SRM: variants seen among roughly 807,000 people sequenced by gnomAD.
SRM encodes the protein spermidine synthase, also known as putrescine aminopropyltransferase.
A neutral mutation model predicts 39.3 loss-of-function variants in SRM; 14 were observed. The observed-to-expected ratio is 0.36, with a 90% CI of 0.24 to 0.56. The LOEUF is 0.56. Among genes scored for constraint, SRM ranks in the 20% least tolerant of loss-of-function variants. The pLI is 0.86. For synonymous variants in SRM, 195 were observed against 173.1 expected (o/e 1.13, Z -0.99); for missense variants, 244 against 409.2 (o/e 0.60, Z 3.48).
At position 11,059,476 on chromosome 1, in the gene SRM, T is replaced by A. The variant is rs762778269; in HGVS notation, c.168-131A>T. ...AGGGATGAGGAGCGATGGTGACACG[T>A]GGCGAGGAACGGCAGGCGGGCCGCC... is the stretch of plus-strand genomic sequence containing the variant. On this transcript the variant is annotated intron_variant, in intron 1 of 7. Transcript: ENST00000376957. The A allele has an allele frequency of 8.1e-6, 12 of 1,479,026 alleles. No individual in the cohort carries two copies. In the South Asian group the frequency reaches 1.4e-4, roughly 17 times the overall value. The allele number at this position is 1,479,026 out of a possible 1,614,324, so 91.6% of individuals were successfully genotyped here.
rs1300468150 is a variant in SRM, at chr1:11,054,913, G to A, written c.889-28C>T. 2.5e-6 allele frequency: 4 copies of A among 1,611,610 alleles called. No homozygotes were observed. In the East Asian group the frequency reaches 8.9e-5, roughly 36 times the overall value. ...GGAGGGACATGAGGCCAGTCAGGAG[G>A]GCGCTCTGGGTCCCTGGGTCCCACC... is the stretch of plus-strand genomic sequence containing the variant. On this transcript the variant is annotated intron_variant, in intron 7 of 7. Coordinates refer to ENST00000376957, the MANE Select transcript of SRM (RefSeq NM_003132.3). The surrounding 1 kb of genome is among the most constrained non-coding windows in gnomAD (Gnocchi z 4.8).
At position 11,059,339 on chromosome 1, in the gene SRM, G is replaced by C; in HGVS notation, c.174C>G (p.Thr58=). The stretch of plus-strand genomic sequence containing the variant: ...CGTCCAACACCAGCACGTTGCCATA[G>C]GTCTTACTGCGGGCGGAGTGACAGT... ...YQDILVFRSK[T]YGNVLVLDGV... The change falls in exon 2 of 8, where the codon ACC becomes ACG. Residue 58 remains threonine (T), a synonymous_variant. Transcript: ENST00000376957. The C allele has an allele frequency of 6.2e-7, 1 of 1,613,224 alleles. No homozygotes were observed. Among genetic ancestry groups the C allele is most frequent in the Non-Finnish European group, 8.5e-7 (1 of 1,179,556 alleles).
chr1:11,059,077 C>CATCA, intron 2 of SRM, 148 bp downstream of exon 2: 1 of 1,434,868 alleles, frequency 7.0e-7, no homozygotes. Context: ...TCCGAGGCCG[C>CATCA]GTCAGTGTCG....
intron 2 of SRM, 147 bp from the exon 3 acceptor site, chr1:11,059,039 G>A: frequency 2.2e-6 from 3 of 1,347,822 alleles, no homozygotes; most frequent in Non-Finnish European, 3.0e-6. Context: ...CCCTTTCCTG[G>A]AAGTTCCTTC....
chr1:11,058,663 G>A, intron 3 of SRM, 137 bp downstream of exon 3: 1 of 700,722 alleles, frequency 1.4e-6, no homozygotes, highest in Non-Finnish European at 2.3e-6. Context: ...TTTTCCTACT[G>A]AACCCTCCCC....
At chr1:11,058,227 T>C (rs1361146691) in intron 3 of SRM, among the ~76,000 whole-genome samples, 1 of 152,148 alleles carries the variant, frequency 6.6e-6, no homozygotes, top group Non-Finnish European at 1.5e-5. Context: ...GTACAAATAG[T>C]TGAGCTGTCT....
chr1:11,056,753 A>G lies in SRM; in HGVS notation c.386T>C (p.Val129Ala). The part of the protein sequence containing the change: ...SVVQCEIDED[V>A]IQVSKKFLPG... ...CAGGAACTTCTTGGAGACTTGGATG[A>G]CATCCTGGAGGGGATGGGAGGGACC... is the stretch of plus-strand genomic sequence containing the variant. The change falls in exon 4 of 8, where the codon GTC (valine) becomes GCC (alanine). Residue 129 changes from valine to alanine, a missense_variant. Coordinates refer to ENST00000376957, the MANE Select transcript of SRM (RefSeq NM_003132.3). 1 of 1,614,150 alleles carries G rather than the reference A, an allele frequency of 6.2e-7. No individual in the cohort carries two copies. The highest frequency in any genetic ancestry group is 2.2e-5 in the East Asian group (1 of 44,890).
intron 6 of SRM, 178 bp from the exon 7 acceptor site, chr1:11,055,262 G>A: frequency 1.0e-6 from 1 of 955,766 alleles, no homozygotes; most frequent in Non-Finnish European, 1.5e-6. Flanking sequence ...ACCACGCCCG[G>A]CTAATTTTTT....
intron 3 of SRM, among the ~76,000 whole-genome samples, chr1:11,057,291 G>A (rs546952675): frequency 7.3e-4 from 110 of 151,250 alleles, no homozygotes; most frequent in African/African-American, 2.6e-3. Context: ...AGACCAAATC[G>A]CCCCATCTGA....
chr1:11,055,085 C>G lies in SRM; in HGVS notation c.766-1G>C. On this transcript the variant is annotated splice_acceptor_variant, in intron 6 of 7. Coordinates refer to ENST00000376957, the MANE Select transcript of SRM (RefSeq NM_003132.3). LOFTEE classifies it high-confidence loss of function. ...GCACCGGCTCCTGGAAGTTCGTGCT[C>G]TGGGGACCGGGCCAGGGGCACATCA... The G allele has an allele frequency of 6.2e-7, 1 of 1,607,788 alleles. No homozygotes were observed.
At chr1:11,059,113 C>G in intron 2 of SRM, 112 bp downstream of exon 2, 1 of 1,562,724 alleles carries the variant, frequency 6.4e-7, no homozygotes, top group Non-Finnish European at 8.7e-7. Context: ...CGGGACGCCC[C>G]TGGCCTCGCT....
Position 11,055,047 on chromosome 1 carries a change from T to C in SRM, c.803A>G (p.Gln268Arg). 3 of 1,611,994 alleles carry C rather than the reference T, an allele frequency of 1.9e-6. No individual in the cohort carries two copies. The highest frequency in any genetic ancestry group is 2.2e-5 in the East Asian group (1 of 44,832). The change falls in exon 7 of 8, where the codon CAG becomes CGG. Residue 268 changes from glutamine (Q) to arginine (R), a missense_variant. Gln to Arg is a conservative substitution (Grantham distance 43). Transcript: ENST00000376957. ...NFQEPVQPLT[Q>R]QQVAQMQLKY... ...CAGCTGCATCTGCGCCACCTGCTGC[T>C]GTGTCAGCGGCTGCACCGGCTCCTG...
At chr1:11,057,621 T>G (rs1294777883) in intron 3 of SRM, among the ~76,000 whole-genome samples, 2 of 118,522 alleles carry the variant, frequency 1.7e-5, no homozygotes, top group African/African-American at 6.7e-5. Flanking sequence ...TCCCCCTCCC[T>G]GCACACGGCC....
At chr1:11,059,143 A>G (rs1638931819) in intron 2 of SRM, 82 bp downstream of exon 2, 1 of 1,598,756 alleles carries the variant, frequency 6.3e-7, no homozygotes, top group Non-Finnish European at 8.5e-7. Context: ...TCTGACAACC[A>G]TGCAGGCAGC....
intron 3 of SRM, among the ~76,000 whole-genome samples, chr1:11,057,190 C>T (rs552499306): frequency 1.3e-5 from 2 of 152,208 alleles, no homozygotes; most frequent in African/African-American, 2.4e-5. Flanking sequence ...ATGTGTAAAG[C>T]GGGGAGAACT....
chr1:11,056,236 GGA>G (rs1274144958), intron 4 of SRM, 142 bp from the exon 5 acceptor site: 3 of 820,284 alleles, frequency 3.7e-6, no homozygotes, highest in Non-Finnish European at 1.9e-6. Context: ...CATTCTTGGG[GGA>G]GTCTCATTGG....
In SRM at chr1:11,055,020, T is replaced by C. The variant is rs1409435396; in HGVS notation, c.830A>G (p.Lys277Arg). 3.1e-6 allele frequency: 5 copies of C among 1,612,646 alleles called. No homozygotes were observed. Among genetic ancestry groups the C allele is most frequent in the Middle Eastern group, 1.7e-4 (1 of 5,960 alleles). The change falls in exon 7 of 8, where the codon AAG becomes AGG. Residue 277 changes from lysine to arginine, a missense_variant. Physicochemically the swap from Lys to Arg is conservative, Grantham distance 26 (BLOSUM62 2). Coordinates refer to ENST00000376957, the MANE Select transcript of SRM (RefSeq NM_003132.3). ...TQQQVAQMQL[K>R]YYNSDVHRAA... ...GCGGTGCACGTCGGAGTTGTAGTAC[T>C]TCAGCTGCATCTGCGCCACCTGCTG...
rs376674763 is a variant in SRM at position 11,054,907 on chromosome 1, C to G, written c.889-22G>C. On this transcript the variant is annotated intron_variant, in intron 7 of 7. Coordinates refer to ENST00000376957, the MANE Select transcript of SRM (RefSeq NM_003132.3). This position sits in a 1 kb window ranked among gnomAD's most constrained non-coding sequence, Gnocchi z 4.8. ...GGGCCTGGAGGGACATGAGGCCAGTCAGGAGGGCGCTCTGGGTCCCTGGGT... is the reference window on the plus strand; with the variant it reads ...GGGCCTGGAGGGACATGAGGCCAGTGAGGAGGGCGCTCTGGGTCCCTGGGT... 1.9e-6 allele frequency: 3 copies of G among 1,611,544 alleles called. No individual in the cohort carries two copies. The African/African-American group carries it at 4.0e-5, about 22-fold the overall frequency.
chr1:11,056,256 G>A (rs899602443), intron 4 of SRM, among the ~76,000 whole-genome samples, 162 bp from the exon 5 acceptor site: 2 of 152,188 alleles, frequency 1.3e-5, no homozygotes, highest in African/African-American at 4.8e-5. Context: ...TGGCACCACA[G>A]CAGAGGAACC....
Sources: gnomAD v4.1 joint callset for allele counts (sites outside exome capture counted in the v4.1 genomes callset) on GRCh38, gnomAD v4.1.1 for gene constraint, Gnocchi (gnomAD v3.1) non-coding constraint, MANE v1.5 for transcripts, NCBI Gene and HGNC (gene_info 2026-07-23, HGNC 2026-07-21) for gene names.